Variants in CSMD1 observed in about 807,000 individuals in gnomAD.
CSMD1 encodes CUB and Sushi multiple domains 1, also known as CUB and sushi domain-containing protein 1.
CSMD1 carries 213 observed loss-of-function variants against 417.5 expected under a neutral mutation model. The observed-to-expected ratio is 0.51, with a 90% CI of 0.46 to 0.57. CSMD1 has a LOEUF of 0.57. Ranked by LOEUF, CSMD1 falls within the 20% of genes least tolerant of loss-of-function variation. CSMD1 has a pLI of 0.00. For missense variants in CSMD1, 6,923 were observed against 4,529.7 expected (o/e 1.53, Z -15.17); for synonymous variants, 2,862 against 1,736.8 (o/e 1.65, Z -16.11).
At position 4,513,979 on chromosome 8, in the gene CSMD1, T is replaced by C. The variant is rs777455942; in HGVS notation, c.303-93914A>G. ...ACTTGGGACTCTTTTTAACCCTAGATTGTAGCTAAAGAGCCTCCTCATTTG... is the reference window on the plus strand; with the variant it reads ...ACTTGGGACTCTTTTTAACCCTAGACTGTAGCTAAAGAGCCTCCTCATTTG... On this transcript the variant is annotated intron_variant, in intron 2 of 69. Coordinates refer to ENST00000635120, the MANE Select transcript of CSMD1 (RefSeq NM_033225.6). Among the ~76,000 whole-genome samples, 110 of 152,184 alleles carry C rather than the reference T, an allele frequency of 7.2e-4. 1 individual carries two copies. Among genetic ancestry groups the C allele is most frequent in the Non-Finnish European group, 1.1e-3 (73 of 68,040 alleles).
At chr8:3,807,407 G>A (rs935022961) in intron 5 of CSMD1, among the ~76,000 whole-genome samples, 1 of 148,202 alleles carries the variant, frequency 6.7e-6, no homozygotes, top group African/African-American at 2.4e-5. Context: ...ACTGTATTCA[G>A]CAGAGGATGT....
chr8:3,549,888 T>C (rs1287625180), intron 10 of CSMD1, among the ~76,000 whole-genome samples: 6 of 152,174 alleles, frequency 3.9e-5, no homozygotes, highest in Non-Finnish European at 5.9e-5. Context: ...GTGTAACAAA[T>C]GTAATTTGAA....
chr8:3,476,892 A>C (rs1340207299), intron 11 of CSMD1, among the ~76,000 whole-genome samples: 1 of 129,908 alleles, frequency 7.7e-6, no homozygotes, highest in Non-Finnish European at 1.6e-5. Context: ...CACCCTGAGC[A>C]ACAGAGCGAA....
chr8:3,488,802 G>C (rs1026881777), intron 11 of CSMD1, among the ~76,000 whole-genome samples: 1 of 152,132 alleles, frequency 6.6e-6, no homozygotes, highest in African/African-American at 2.4e-5. Flanking sequence ...CTGGCATTCA[G>C]GCTCAAAGGC....
At chr8:3,981,684 T>C (rs1813882225) in intron 5 of CSMD1, among the ~76,000 whole-genome samples, 1 of 152,124 alleles carries the variant, frequency 6.6e-6, no homozygotes, top group Non-Finnish European at 1.5e-5. Flanking sequence ...ACGTTAATTG[T>C]GCCCCAAAGA....
intron 26 of CSMD1, among the ~76,000 whole-genome samples, chr8:3,255,828 G>A (rs1800609872): frequency 6.6e-6 from 1 of 152,148 alleles, no homozygotes; most frequent in Admixed American, 6.5e-5. Context: ...GTGATGTGAT[G>A]CCTCATCCTG....
intron 1 of CSMD1, among the ~76,000 whole-genome samples, chr8:4,962,623 C>T (rs1475646229): frequency 3.3e-5 from 5 of 152,138 alleles, no homozygotes; most frequent in Admixed American, 3.3e-4. Flanking sequence ...GCCAGTATTT[C>T]TAATTTCTCT....
intron 3 of CSMD1, among the ~76,000 whole-genome samples, chr8:4,137,948 G>C (rs1311061572): frequency 6.6e-6 from 1 of 151,114 alleles, no homozygotes; most frequent in Non-Finnish European, 1.5e-5. Flanking sequence ...CGCAATCTCG[G>C]CTCACTGCAA....
chr8:4,215,107 A>C (rs1487253852), intron 3 of CSMD1, among the ~76,000 whole-genome samples: 1 of 152,172 alleles, frequency 6.6e-6, no homozygotes, highest in Non-Finnish European at 1.5e-5. Context: ...CGGACAAGTG[A>C]ATAGGTCTCA....
chr8:3,503,418 A>G (rs1301724587), intron 10 of CSMD1, among the ~76,000 whole-genome samples: 2 of 152,268 alleles, frequency 1.3e-5, no homozygotes, highest in South Asian at 2.1e-4. Flanking sequence ...AGGGTGGGAA[A>G]TAAAGTTTGC....
chr8:3,361,714 T>C (rs531527366), intron 20 of CSMD1, among the ~76,000 whole-genome samples: 57 of 151,200 alleles, frequency 3.8e-4, no homozygotes, highest in African/African-American at 1.4e-3. Flanking sequence ...TATTTTGATA[T>C]TATTATGTGC....
chr8:4,647,808 G>C (rs548006682), intron 1 of CSMD1, among the ~76,000 whole-genome samples: 4 of 152,100 alleles, frequency 2.6e-5, no homozygotes, highest in Admixed American at 6.5e-5. Flanking sequence ...CTTTTTTCCA[G>C]TCTATCACTG....
chr8:3,551,069 G>C (rs1044315677), intron 10 of CSMD1, among the ~76,000 whole-genome samples: 5 of 152,158 alleles, frequency 3.3e-5, no homozygotes, highest in African/African-American at 7.2e-5. Flanking sequence ...CATGCTGTGA[G>C]AGCTCATGGC....
intron 26 of CSMD1, among the ~76,000 whole-genome samples, chr8:3,236,151 C>G (rs141431536): frequency 3.4e-4 from 51 of 152,104 alleles, no homozygotes; most frequent in African/African-American, 1.2e-3. Flanking sequence ...ATCTCTTAAC[C>G]TTGTGATCTG....
At chr8:4,103,803 G>C (rs866454930) in intron 3 of CSMD1, among the ~76,000 whole-genome samples, 1 of 152,034 alleles carries the variant, frequency 6.6e-6, no homozygotes, top group African/African-American at 2.4e-5. Context: ...TGACAGAAAG[G>C]GTAAATTCCA....
chr8:3,927,333 T>A (rs1171356301), intron 5 of CSMD1, among the ~76,000 whole-genome samples: 2 of 151,938 alleles, frequency 1.3e-5, no homozygotes, highest in African/African-American at 4.8e-5. Context: ...AAGAACTTTA[T>A]GAGTATTCAA....
At chr8:4,192,025 C>T (rs1329057728) in intron 3 of CSMD1, among the ~76,000 whole-genome samples, 1 of 152,108 alleles carries the variant, frequency 6.6e-6, no homozygotes, top group African/African-American at 2.4e-5. Flanking sequence ...CCGCTGTTGC[C>T]AATTCTCCTG....
intron 10 of CSMD1, among the ~76,000 whole-genome samples, chr8:3,498,663 A>G (rs1006793302): frequency 6.6e-6 from 1 of 152,176 alleles, no homozygotes; most frequent in Non-Finnish European, 1.5e-5. Context: ...ATTTTGTTCC[A>G]CACATTTTGT....
intron 3 of CSMD1, among the ~76,000 whole-genome samples, chr8:4,153,657 T>C (rs1230501891): frequency 2.0e-5 from 3 of 152,158 alleles, no homozygotes; most frequent in African/African-American, 7.2e-5. Context: ...TCCTTTATTT[T>C]CTCATAACGT....
Sources: allele counts gnomAD v4.1 joint callset (sites outside exome capture counted in the v4.1 genomes callset), GRCh38; gene constraint gnomAD v4.1.1; transcripts MANE v1.5; gene names NCBI Gene and HGNC (gene_info 2026-07-23, HGNC 2026-07-21).